ARFGEF3: variants seen among roughly 807,000 people sequenced by gnomAD.
ARFGEF3 encodes ARFGEF family member 3.
In ARFGEF3, 96 loss-of-function variants were observed where a neutral mutation model predicts 221.7. The observed-to-expected ratio is 0.43, with a 90% CI of 0.37 to 0.51. ARFGEF3 has a LOEUF of 0.51. Among genes scored for constraint, ARFGEF3 ranks in the 20% least tolerant of loss-of-function variants. The pLI is 0.00. For synonymous variants in ARFGEF3, 1,145 were observed against 1,126.8 expected (o/e 1.02, Z -0.32); for missense variants, 2,410 against 2,789.9 (o/e 0.86, Z 3.07).
rs571513699 is a variant in ARFGEF3, at chr6:138,252,525, T to C, written c.666-1355T>C. ...TTGGCAGTTGTGTGGATGTAACCTC[T>C]GGCCTTAGCACTGTCTACTGTTAAC... On this transcript the variant is annotated intron_variant, in intron 8 of 33. Coordinates refer to ENST00000251691, the MANE Select transcript of ARFGEF3 (RefSeq NM_020340.5). Among the ~76,000 whole-genome samples, 5 of 152,354 alleles carry C rather than the reference T, an allele frequency of 3.3e-5. No homozygotes were observed. The East Asian group carries it at 9.6e-4, about 29-fold the overall frequency.
intron 31 of ARFGEF3, among the ~76,000 whole-genome samples, chr6:138,325,878 T>A (rs1398024080): frequency 6.6e-6 from 1 of 152,202 alleles, no homozygotes; most frequent in African/African-American, 2.4e-5. Flanking sequence ...TTTTCTTTTT[T>A]GAGACTTGCT....
chr6:138,183,461 C>A (rs1777120156), intron 2 of ARFGEF3, among the ~76,000 whole-genome samples: 1 of 152,150 alleles, frequency 6.6e-6, no homozygotes, highest in African/African-American at 2.4e-5. Context: ...GATTGCCTCG[C>A]TGTGTTCAGT....
At chr6:138,271,838 A>G (rs934081209) in intron 12 of ARFGEF3, among the ~76,000 whole-genome samples, 9 of 152,128 alleles carry the variant, frequency 5.9e-5, no homozygotes, top group South Asian at 2.1e-4. Flanking sequence ...ACTTACCACA[A>G]TGTACTCAAT....
chr6:138,218,283 A>T lies in ARFGEF3; in HGVS notation c.351+8242A>T. 3 of 1,600,282 alleles carry T rather than the reference A, an allele frequency of 1.9e-6. No individual in the cohort carries two copies. In the South Asian group the frequency reaches 3.3e-5, roughly 18 times the overall value. On this transcript the variant is annotated intron_variant, in intron 4 of 33. Coordinates refer to ENST00000251691, the MANE Select transcript of ARFGEF3 (RefSeq NM_020340.5). ...TAAGAGCACAGTTTCTGGAGCTAGAATGCCTGGTAGCCTTGGGAAGTTACT... is the reference window on the plus strand; with the variant it reads ...TAAGAGCACAGTTTCTGGAGCTAGATTGCCTGGTAGCCTTGGGAAGTTACT...
chr6:138,179,894 C>T (rs1380283340), intron 2 of ARFGEF3, among the ~76,000 whole-genome samples: 1 of 152,194 alleles, frequency 6.6e-6, no homozygotes. Flanking sequence ...ATTGCACACT[C>T]AAACTCCTGG....
At chr6:138,169,293 G>A (rs897529291) in intron 1 of ARFGEF3, among the ~76,000 whole-genome samples, 4 of 152,112 alleles carry the variant, frequency 2.6e-5, no homozygotes, top group Admixed American at 6.5e-5. Flanking sequence ...GATGCTCTTC[G>A]CCTTGGGTTC....
At chr6:138,305,620 A>G (rs541572215) in intron 22 of ARFGEF3, among the ~76,000 whole-genome samples, 2 of 151,930 alleles carry the variant, frequency 1.3e-5, no homozygotes, top group South Asian at 4.2e-4. Context: ...CTCAAAAAAA[A>G]AAAAAAAAAA....
At chr6:138,191,933 T>C (rs764774619) in intron 2 of ARFGEF3, among the ~76,000 whole-genome samples, 3 of 152,140 alleles carry the variant, frequency 2.0e-5, no homozygotes, top group African/African-American at 4.8e-5. Flanking sequence ...AACAATGAAG[T>C]TATCATAAGG....
At chr6:138,214,691 G>A (rs1409205103) in intron 4 of ARFGEF3, among the ~76,000 whole-genome samples, 1 of 152,084 alleles carries the variant, frequency 6.6e-6, no homozygotes, top group Non-Finnish European at 1.5e-5. Flanking sequence ...CCTTTTTGTA[G>A]AGATTTCTCC....
intron 12 of ARFGEF3, among the ~76,000 whole-genome samples, chr6:138,276,286 C>G (rs956514008): frequency 1.3e-5 from 2 of 152,180 alleles, no homozygotes; most frequent in African/African-American, 4.8e-5. Flanking sequence ...TGCAGATGGC[C>G]TTAGGACCAG....
chr6:138,255,706 C>T lies in ARFGEF3; in HGVS notation c.1041C>T (p.Tyr347=), dbSNP rs1342219370. 13 of 1,611,208 alleles carry T rather than the reference C, an allele frequency of 8.1e-6. No individual in the cohort carries two copies. The South Asian group carries it at 1.3e-4, about 16-fold the overall frequency. ...DSMKPVLQSL[Y]HRVLLYPPPQ... ...TGAAGCCCGTGCTCCAGTCCCTCTACCACCGAGTGCTGCTCTACCCCCCAC... is the reference window on the plus strand; with the variant it reads ...TGAAGCCCGTGCTCCAGTCCCTCTATCACCGAGTGCTGCTCTACCCCCCAC... Residue 347 remains tyrosine (Y), a synonymous_variant, in exon 10 of 34, where the codon TAC becomes TAT. Transcript: ENST00000251691.
At chr6:138,322,802 G>GAAA (rs112516953) in intron 29 of ARFGEF3, among the ~76,000 whole-genome samples, 3 of 89,880 alleles carry the variant, frequency 3.3e-5, no homozygotes, top group African/African-American at 9.8e-5. Context: ...CTCAAAAAAA[G>GAAA]AAAAAAAAAA....
At chr6:138,324,378 C>T (rs1420623589) in intron 31 of ARFGEF3, among the ~76,000 whole-genome samples, 21 of 152,178 alleles carry the variant, frequency 1.4e-4, no homozygotes, top group Admixed American at 1.4e-3. Flanking sequence ...TCCTCCAGTG[C>T]CCAGATCAAA....
At chr6:138,327,787 C>T (rs1780152810) in intron 31 of ARFGEF3, among the ~76,000 whole-genome samples, 1 of 152,204 alleles carries the variant, frequency 6.6e-6, no homozygotes, top group Admixed American at 6.5e-5. Flanking sequence ...GAACTAGTAG[C>T]ATTGCTGGTA....
rs201010573 is a variant in ARFGEF3, at chr6:138,312,233, ATCC to A, written c.4200+726_4200+728del. On this transcript the variant is annotated intron_variant, in intron 25 of 33. Coordinates refer to ENST00000251691, the MANE Select transcript of ARFGEF3 (RefSeq NM_020340.5). ...GTGAGCAGTGACCATCGTTGGGTCC[ATCC>A]TCTGCCTGACACCATGCCCCCTCCC... is the stretch of plus-strand genomic sequence containing the variant. Among the ~76,000 whole-genome samples, 349 of 152,230 alleles carry A rather than the reference ATCC, an allele frequency of 2.3e-3. 2 individuals are homozygous for A. Among genetic ancestry groups the A allele is most frequent in the African/African-American group, 7.8e-3 (326 of 41,544 alleles).
chr6:138,186,567 C>T (rs1172254388), intron 2 of ARFGEF3, among the ~76,000 whole-genome samples: 1 of 152,142 alleles, frequency 6.6e-6, no homozygotes, highest in African/African-American at 2.4e-5. Context: ...AAGTGGAAAA[C>T]AGGATTGTTG....
chr6:138,172,577 T>G (rs1400769298), intron 2 of ARFGEF3, among the ~76,000 whole-genome samples: 1 of 152,238 alleles, frequency 6.6e-6, no homozygotes, highest in Non-Finnish European at 1.5e-5. Context: ...TTTAACTTCT[T>G]GGCTTTCAGC....
chr6:138,324,256 CTGAGGGACATACACCT>C, intron 31 of ARFGEF3, 102 bp downstream of exon 31: 1 of 1,388,044 alleles, frequency 7.2e-7, no homozygotes. Flanking sequence ...CTTTCATTCC[CTGAGGGACATACACCT>C]TGTAGCTCCC....
chr6:138,326,146 T>C (rs193115753), intron 31 of ARFGEF3, among the ~76,000 whole-genome samples: 1 of 151,616 alleles, frequency 6.6e-6, no homozygotes, highest in African/African-American at 2.4e-5. Flanking sequence ...CATGAGCCAC[T>C]GCACCTGGCC....
Sources: gnomAD v4.1 joint callset for allele counts (sites outside exome capture counted in the v4.1 genomes callset) on GRCh38, gnomAD v4.1.1 for gene constraint, MANE v1.5 for transcripts, NCBI Gene and HGNC (gene_info 2026-07-23, HGNC 2026-07-21) for gene names.